TM4SF4: variants seen among roughly 807,000 people sequenced by gnomAD.
The protein encoded by TM4SF4 is transmembrane 4 L6 family member 4.
A neutral mutation model predicts 24.1 loss-of-function variants in TM4SF4; 24 were observed. The observed-to-expected ratio is 1.00, with a 90% CI of 0.72 to 1.40. The LOEUF (loss-of-function observed/expected upper bound fraction) is 1.40. TM4SF4 is among the 40% of genes most tolerant of loss of function. The probability of loss-of-function intolerance (pLI) is 0.00; values close to 1 mark genes in which losing one functional copy is unlikely to be tolerated. For synonymous variants in TM4SF4, 113 were observed against 97.0 expected (o/e 1.17, Z -0.97); for missense variants, 254 against 254.2 (o/e 1.00, Z 0.01).
chr3:149,498,940 CAGCATGAGGGAGGCCAGGTCAGGCCACT>C (rs1734365452), intron 4 of TM4SF4, 29 bp downstream of exon 4: 1 of 1,611,786 alleles, frequency 6.2e-7, no homozygotes, highest in East Asian at 2.2e-5. Context: ...TGTTTCTTCT[CAGCATGAGGGAGGCCAGGTCAGGCCACT>C]AGCATAAGGG....
At chr3:149,496,290 C>T (rs141896187) in intron 3 of TM4SF4, among the ~76,000 whole-genome samples, 3,027 of 152,080 alleles carry the variant, frequency 0.02, 44 homozygotes, top group Middle Eastern at 0.045. Flanking sequence ...GCTTACTGCA[C>T]ACTTTGCCTC....
At chr3:149,499,838 G>A (rs542616266) in intron 4 of TM4SF4, among the ~76,000 whole-genome samples, 1 of 152,044 alleles carries the variant, frequency 6.6e-6, no homozygotes, top group Non-Finnish European at 1.5e-5. Context: ...TCTCACCACC[G>A]CACTCCAGTC....
intron 3 of TM4SF4, among the ~76,000 whole-genome samples, chr3:149,491,378 A>T (rs1242780653): frequency 6.6e-6 from 1 of 151,824 alleles, no homozygotes; most frequent in Non-Finnish European, 1.5e-5. Context: ...ATGTGGGAGG[A>T]TCGTTTGGGC....
chr3:149,499,357 T>C (rs1243832599), intron 4 of TM4SF4, among the ~76,000 whole-genome samples: 2 of 152,184 alleles, frequency 1.3e-5, no homozygotes, highest in Non-Finnish European at 2.9e-5. Context: ...GCAAAACCTA[T>C]ATTTGATATG....
intron 3 of TM4SF4, chr3:149,494,705 G>A (rs1464254760): frequency 2.0e-5 from 3 of 152,404 alleles, no homozygotes; most frequent in African/African-American, 4.8e-5. Flanking sequence ...TATTGGACAC[G>A]TAGATTCAGG....
intron 2 of TM4SF4, among the ~76,000 whole-genome samples, chr3:149,486,471 C>T (rs1353691882): frequency 6.6e-6 from 1 of 152,212 alleles, no homozygotes; most frequent in East Asian, 1.9e-4. Flanking sequence ...TAAATGTTTT[C>T]ATTCTACTTT....
chr3:149,499,647 T>C (rs1280234461), intron 4 of TM4SF4, among the ~76,000 whole-genome samples: 1 of 151,250 alleles, frequency 6.6e-6, no homozygotes, highest in Admixed American at 6.6e-5. Flanking sequence ...TGTAAATATA[T>C]GTAAATAAAG....
rs559536837 is a variant in TM4SF4, at chr3:149,496,227, C to T, written c.402-2495C>T. Reference sequence around the variant, plus strand: ...GTTACTAGGTTGTTTGTTTGTTTTTCGAGATGGGGTCTCACTCTGTCACCC... The same window carrying T: ...GTTACTAGGTTGTTTGTTTGTTTTTTGAGATGGGGTCTCACTCTGTCACCC... On this transcript the variant is annotated intron_variant, in intron 3 of 4. Coordinates refer to ENST00000305354, the MANE Select transcript of TM4SF4 (RefSeq NM_004617.4). Among the ~76,000 whole-genome samples the T allele has an allele frequency of 1.2e-4, 18 of 150,710 alleles. 1 individual carries two copies. Among genetic ancestry groups the T allele is most frequent in the East Asian group, 9.8e-4 (5 of 5,098 alleles).
At chr3:149,479,072 T>A (rs1299979851) in intron 2 of TM4SF4, among the ~76,000 whole-genome samples, 1 of 152,154 alleles carries the variant, frequency 6.6e-6, no homozygotes, top group Non-Finnish European at 1.5e-5. Context: ...TGGCCGATTG[T>A]TCTGTTTTTT....
chr3:149,480,200 T>C (rs570627861), intron 2 of TM4SF4, among the ~76,000 whole-genome samples: 10 of 151,954 alleles, frequency 6.6e-5, no homozygotes, highest in Admixed American at 1.3e-4. Context: ...AGATTCCCAG[T>C]GGCTTCTTGG....
At chr3:149,497,829 GA>G (rs1489807552) in intron 3 of TM4SF4, among the ~76,000 whole-genome samples, 13 of 152,112 alleles carry the variant, frequency 8.5e-5, no homozygotes, top group African/African-American at 3.1e-4. Context: ...ATTTTTAGAA[GA>G]GACAGGGTTT....
At chr3:149,482,725 G>C (rs565580431) in intron 2 of TM4SF4, among the ~76,000 whole-genome samples, 49 of 152,186 alleles carry the variant, frequency 3.2e-4, no homozygotes, top group Non-Finnish European at 6.5e-4. Flanking sequence ...TGTATTTCTT[G>C]TAGAGATGGA....
chr3:149,492,786 C>A (rs1485914401), intron 3 of TM4SF4, among the ~76,000 whole-genome samples: 2 of 151,950 alleles, frequency 1.3e-5, no homozygotes, highest in East Asian at 3.9e-4. Context: ...ATTTGCACTT[C>A]AGAAATTACT....
intron 4 of TM4SF4, among the ~76,000 whole-genome samples, chr3:149,502,432 T>A (rs1405772139): frequency 6.6e-6 from 1 of 152,054 alleles, no homozygotes; most frequent in African/African-American, 2.4e-5. Context: ...AAATGTAACT[T>A]CCTTGAGGAC....
intron 3 of TM4SF4, among the ~76,000 whole-genome samples, chr3:149,496,881 A>C (rs953533378): frequency 4.0e-5 from 6 of 151,814 alleles, no homozygotes; most frequent in African/African-American, 1.2e-4. Flanking sequence ...AAAAAAAAAA[A>C]AACTGATGCT....
At chr3:149,478,215 G>A (rs1217046667) in intron 2 of TM4SF4, among the ~76,000 whole-genome samples, 4 of 152,184 alleles carry the variant, frequency 2.6e-5, no homozygotes, top group Admixed American at 6.5e-5. Context: ...GCGCGATCTC[G>A]GCTCACTGCA....
chr3:149,496,440 A>G (rs930211029), intron 3 of TM4SF4, among the ~76,000 whole-genome samples: 5 of 152,164 alleles, frequency 3.3e-5, no homozygotes, highest in African/African-American at 1.2e-4. Flanking sequence ...CTGCCACAGA[A>G]TTTTGAGACC....
At chr3:149,482,618 A>G (rs1056898301) in intron 2 of TM4SF4, among the ~76,000 whole-genome samples, 1 of 152,140 alleles carries the variant, frequency 6.6e-6, no homozygotes, top group Non-Finnish European at 1.5e-5. Flanking sequence ...ATCTCAGCTC[A>G]CTGCAACCTC....
In TM4SF4 at chr3:149,475,760, A is replaced by T. The variant is rs1733916542; in HGVS notation, c.175-63A>T. 3.5e-6 allele frequency: 5 copies of T among 1,413,482 alleles called. No individual in the cohort carries two copies. The Admixed American group carries it at 5.9e-5, about 17-fold the overall frequency. 87.6% of individuals were successfully genotyped at this position (1,413,482 alleles called of 1,614,324 possible). A position where few individuals can be genotyped will look rare whatever the true frequency, so the allele number is the denominator to read the frequency against. The stretch of plus-strand genomic sequence containing the variant: ...TGTGGATGGGGCTCCTTATACAGTC[A>T]GGCAGGCTCGGGCCCTCCCTTCAAC... On this transcript the variant is annotated intron_variant, in intron 1 of 4. Coordinates refer to ENST00000305354, the MANE Select transcript of TM4SF4 (RefSeq NM_004617.4).
Sources: allele counts gnomAD v4.1 joint callset (sites outside exome capture counted in the v4.1 genomes callset), GRCh38; gene constraint gnomAD v4.1.1; transcripts MANE v1.5; gene names NCBI Gene and HGNC (gene_info 2026-07-23, HGNC 2026-07-21).